The following TLE6 variants were observed in gnomAD, a reference collection of about 807,000 sequenced individuals.
The protein encoded by TLE6 is transducin-like enhancer protein 6.
In TLE6, 72 loss-of-function variants were observed where a neutral mutation model predicts 77.1. The observed-to-expected ratio is 0.93, with a 90% confidence interval of 0.77 to 1.14. TLE6 has a LOEUF of 1.14. Ranked by LOEUF, TLE6 falls within the 50% of genes most tolerant of loss-of-function variation. TLE6 has a pLI of 0.00. For synonymous variants in TLE6, 366 were observed against 287.3 expected (o/e 1.27, Z -2.77); for missense variants, 843 against 747.6 (o/e 1.13, Z -1.49).
At chr19:2,992,421 G>A (rs1250139454) in intron 14 of TLE6, among the ~76,000 whole-genome samples, 2 of 151,992 alleles carry the variant, frequency 1.3e-5, no homozygotes, top group East Asian at 1.9e-4. Flanking sequence ...GTGGTGAGCC[G>A]AGATCGTGCC....
chr19:2,984,901 C>T (rs1350150198), intron 5 of TLE6, among the ~76,000 whole-genome samples: 3 of 152,106 alleles, frequency 2.0e-5, no homozygotes, highest in African/African-American at 7.2e-5. Flanking sequence ...CTACATTTAA[C>T]TTCGGGATTG....
intron 14 of TLE6, among the ~76,000 whole-genome samples, chr19:2,992,734 C>T (rs376502984): frequency 7.8e-4 from 105 of 134,408 alleles, no homozygotes; most frequent in African/African-American, 2.9e-3. Context: ...TGTGATCATA[C>T]CAGTGACTGT....
chr19:2,978,035 G>C (rs1762589146), intron 1 of TLE6, among the ~76,000 whole-genome samples, 163 bp from the exon 2 acceptor site: 1 of 152,120 alleles, frequency 6.6e-6, no homozygotes, highest in Admixed American at 6.6e-5. Flanking sequence ...TGGAGGCATT[G>C]ATAAGTGAGG....
At chr19:2,994,236 G>T in intron 16 of TLE6, 141 bp downstream of exon 16, 1 of 673,526 alleles carries the variant, frequency 1.5e-6, no homozygotes. Flanking sequence ...AGCATTTTGG[G>T]AGGCTGAGGC....
chr19:2,989,542 G>A lies in TLE6; in HGVS notation c.1001G>A (p.Gly334Glu). 1 of 1,611,840 alleles carries A rather than the reference G, an allele frequency of 6.2e-7. No individual in the cohort carries two copies. Residue 334 changes from glycine to glutamate, a missense_variant, in exon 13 of 17, where the codon GGG (glycine) becomes GAG (glutamate). Gly to Glu is a moderately conservative substitution (Grantham distance 98). Coordinates refer to ENST00000246112, the MANE Select transcript of TLE6 (RefSeq NM_001143986.2). ...PESHLPIQTP[G>E]AFLRTCLLSS... ...TGACTCTGCCCATCCCAGACCCCTG[G>A]GGCCTTCCTGCGCACCTGCCTGCTG... is the stretch of plus-strand genomic sequence containing the variant.
rs749170107 is a variant in TLE6 at position 2,993,440 on chromosome 19, C to T, written c.1395C>T (p.Ser465=). The change falls in exon 15 of 17, where the codon AGC becomes AGT. Residue 465 remains serine, a synonymous_variant. Transcript: ENST00000246112. ...CACTGCCCATTACCTAGATAATGAG[C>T]CTGTCCCACAGCCCCCAGGAGGACT... ...LEYQFKSQIM[S]LSHSPQEDWV... is the part of the protein sequence containing the mutation. The T allele has an allele frequency of 2.5e-6, 4 of 1,601,786 alleles. No individual in the cohort carries two copies. The Admixed American group carries it at 6.7e-5, about 27-fold the overall frequency.
intron 4 of TLE6, 144 bp from the exon 5 acceptor site, chr19:2,982,004 T>C (rs2088808225): frequency 1.3e-6 from 1 of 772,648 alleles, no homozygotes; most frequent in Non-Finnish European, 2.2e-6. Flanking sequence ...ATCAGTGTAG[T>C]AAGAAAGTAA....
chr19:2,994,831 G>C lies in TLE6; in HGVS notation c.1615-69G>C, dbSNP rs2089172943. On this transcript the variant is annotated intron_variant, in intron 16 of 16. Transcript: ENST00000246112. Reference sequence around the variant, plus strand: ...TTTGAAGAGACGATGCTTCATGCTTGAGCTGACAGGTGGAGACCAGGGGTG... The same window carrying C: ...TTTGAAGAGACGATGCTTCATGCTTCAGCTGACAGGTGGAGACCAGGGGTG... 15 of 862,330 alleles carry C rather than the reference G, an allele frequency of 1.7e-5. 1 individual carries two copies. Among genetic ancestry groups the C allele is most frequent in the Non-Finnish European group, 2.8e-5 (15 of 540,416 alleles). The allele number at this position is 862,330 out of a possible 1,614,324, so 53.4% of individuals were successfully genotyped here. A position where few individuals can be genotyped will look rare whatever the true frequency, so the allele number is the denominator to read the frequency against.
Position 2,995,058 on chromosome 19 carries a change from C to CA in TLE6, c.*54_*55insA. On this transcript the variant is annotated 3_prime_UTR_variant, in exon 17 of 17. Transcript: ENST00000246112. ...GCTCCTCTTTTCATCCCCCCCCTTC[C>CA]CCCCCCCCAACAAGGGGGACATGGT... 1 of 971,166 alleles carries CA rather than the reference C, an allele frequency of 1.0e-6. No homozygotes were observed. 60.2% of individuals were successfully genotyped at this position (971,166 alleles called of 1,614,324 possible).
rs376586795 is a variant in TLE6 at position 2,986,798 on chromosome 19, T to A, written c.223-31T>A. ...TTGCAAACCCTTAACTGCAACAACA[T>A]TTAACTGTTTTGCTGCCAACCTCCT... On this transcript the variant is annotated intron_variant, in intron 5 of 16. Coordinates refer to ENST00000246112, the MANE Select transcript of TLE6 (RefSeq NM_001143986.2). The A allele has an allele frequency of 3.2e-6, 5 of 1,549,834 alleles. No individual in the cohort carries two copies. In the South Asian group the frequency reaches 6.0e-5, roughly 18 times the overall value.
At chr19:2,983,002 C>T (rs1568210106) in intron 5 of TLE6, among the ~76,000 whole-genome samples, 2 of 152,050 alleles carry the variant, frequency 1.3e-5, no homozygotes, top group Non-Finnish European at 2.9e-5. Flanking sequence ...GCGCCTGGCC[C>T]AAGCAGAAGT....
chr19:2,988,632 G>A (rs997752508), intron 11 of TLE6, among the ~76,000 whole-genome samples: 2 of 152,092 alleles, frequency 1.3e-5, no homozygotes, highest in Non-Finnish European at 2.9e-5. Flanking sequence ...CAGGATCGCC[G>A]CCCCAACACT....
rs7252931 is a variant in TLE6 at position 2,989,839 on chromosome 19, C to T, written c.1244+54C>T. 2,574 of 1,594,106 alleles carry T rather than the reference C, an allele frequency of 1.6e-3. 43 individuals carry two copies. The African/African-American group carries it at 0.029, about 18-fold the overall frequency. ...ATCCTGTGCCAGCCTCCTGTGGCCACCTCTGCCCACCTTACTGCTACCACC... is the reference window on the plus strand; with the variant it reads ...ATCCTGTGCCAGCCTCCTGTGGCCATCTCTGCCCACCTTACTGCTACCACC... On this transcript the variant is annotated intron_variant, in intron 13 of 16. Coordinates refer to ENST00000246112, the MANE Select transcript of TLE6 (RefSeq NM_001143986.2).
intron 14 of TLE6, among the ~76,000 whole-genome samples, chr19:2,993,086 CT>C (rs1461510582): frequency 6.7e-6 from 1 of 150,070 alleles, no homozygotes; most frequent in African/African-American, 2.5e-5. Flanking sequence ...TGGCGCATGC[CT>C]GTAGTCCCAG....
Position 2,989,793 on chromosome 19 carries a change from TG to T in TLE6, c.1244+14del, listed in dbSNP as rs765271280. 1.6e-5 allele frequency: 25 copies of T among 1,608,554 alleles called. No individual in the cohort carries two copies. The highest frequency in any genetic ancestry group is 2.7e-5 in the African/African-American group (2 of 74,780). ...GGATCAGAGTGTGGTCAGGTGCGTT[TG>T]GGGGGTGGGAAGGGGAAGCATCCTG... On this transcript the variant is annotated intron_variant, in intron 13 of 16. Coordinates refer to ENST00000246112, the MANE Select transcript of TLE6 (RefSeq NM_001143986.2).
In TLE6 at chr19:2,994,992, G is replaced by A. The variant is rs544330320; in HGVS notation, c.1707G>A (p.Gln569=). The A allele has an allele frequency of 1.2e-6, 2 of 1,606,322 alleles. No homozygotes were observed. Among genetic ancestry groups the A allele is most frequent in the East Asian group, 2.2e-5 (1 of 44,734 alleles). ...CCGGGGAGCACGCCTCCGTGTACCA[G>A]ATCACCTACTGAGGGGCCTCGCTGC... ...TGSGEHASVY[Q]ITY Residue 569 remains glutamine (Q), a synonymous_variant, in exon 17 of 17, where the codon CAG becomes CAA. Transcript: ENST00000246112.
intron 5 of TLE6, among the ~76,000 whole-genome samples, chr19:2,983,445 T>G (rs2088840462): frequency 6.6e-6 from 1 of 151,802 alleles, no homozygotes; most frequent in Admixed American, 6.6e-5. Context: ...TGCGAGAAGG[T>G]GACATCTGAG....
At chr19:2,993,055 A>C (rs915374636) in intron 14 of TLE6, among the ~76,000 whole-genome samples, 1 of 140,152 alleles carries the variant, frequency 7.1e-6, no homozygotes, top group African/African-American at 2.7e-5. Flanking sequence ...AAAAAAAAAC[A>C]GAATAATTAG....
At chr19:2,990,917 C>T (rs1368791115) in intron 13 of TLE6, among the ~76,000 whole-genome samples, 1 of 151,314 alleles carries the variant, frequency 6.6e-6, no homozygotes, top group Non-Finnish European at 1.5e-5. Flanking sequence ...AGGAGAATCG[C>T]TTGAGAAGCG....
Sources: allele counts gnomAD v4.1 joint callset (sites outside exome capture counted in the v4.1 genomes callset), GRCh38; gene constraint gnomAD v4.1.1; transcripts MANE v1.5; gene names NCBI Gene and HGNC (gene_info 2026-07-23, HGNC 2026-07-21).